ATRNL1: variants seen among roughly 807,000 people sequenced by gnomAD.
ATRNL1 encodes the protein attractin-like protein 1.
A neutral mutation model predicts 182.7 loss-of-function variants in ATRNL1; 95 were observed. The observed-to-expected ratio is 0.52, with a 90% CI of 0.44 to 0.62. The LOEUF (loss-of-function observed/expected upper bound fraction) is 0.62, where lower values mean the gene tolerates loss of function less well. Among genes scored for constraint, ATRNL1 ranks in the 20% least tolerant of loss-of-function variants. ATRNL1 has a pLI of 0.00. For missense variants in ATRNL1, 1,471 were observed against 1,679.5 expected, an observed-to-expected ratio of 0.88 and a Z score of 2.17; for synonymous variants, 576 against 568.3, an observed-to-expected ratio of 1.01 and a Z score of -0.19.
intron 26 of ATRNL1, among the ~76,000 whole-genome samples, chr10:115,603,804 G>GA (rs1339115137): frequency 1.3e-5 from 2 of 152,060 alleles, no homozygotes; most frequent in Non-Finnish European, 1.5e-5. Flanking sequence ...CCTTACTCCT[G>GA]AAAAAGTTTC....
intron 19 of ATRNL1, among the ~76,000 whole-genome samples, chr10:115,373,369 A>T (rs1440527215): frequency 6.6e-6 from 1 of 151,900 alleles, no homozygotes; most frequent in African/African-American, 2.4e-5. Flanking sequence ...CTCTTTTCTA[A>T]TTTTTGTGGC....
chr10:115,760,640 G>A (rs1948711744), intron 27 of ATRNL1, among the ~76,000 whole-genome samples: 3 of 152,044 alleles, frequency 2.0e-5, no homozygotes, highest in South Asian at 4.1e-4. Context: ...ACACACACAC[G>A]TATATAAAAA....
chr10:115,133,757 C>T (rs529754584), intron 5 of ATRNL1, among the ~76,000 whole-genome samples: 71 of 152,272 alleles, frequency 4.7e-4, no homozygotes, highest in African/African-American at 1.4e-3. Flanking sequence ...CTTCTCAGCA[C>T]CACATTGCAC....
At chr10:115,312,269 C>T (rs782747906) in intron 17 of ATRNL1, among the ~76,000 whole-genome samples, 1 of 152,090 alleles carries the variant, frequency 6.6e-6, no homozygotes, top group African/African-American at 2.4e-5. Flanking sequence ...AGATTTAGAA[C>T]TCTTTTTAGC....
At chr10:115,933,246 T>C (rs1953458412) in intron 28 of ATRNL1, among the ~76,000 whole-genome samples, 1 of 152,244 alleles carries the variant, frequency 6.6e-6, no homozygotes, top group Non-Finnish European at 1.5e-5. Flanking sequence ...TCTTTACTCT[T>C]GTAATGTGAA....
At position 115,797,519 on chromosome 10, in the gene ATRNL1, T is replaced by C. The variant is rs539325801; in HGVS notation, c.3904-50358T>C. On this transcript the variant is annotated intron_variant, in intron 27 of 28. Coordinates refer to ENST00000355044, the MANE Select transcript of ATRNL1 (RefSeq NM_207303.4). ...AGGCTTCTTCTGCCAATTTTTGGACTGACACTGGGGATATTAGAATGAACA... is the reference window on the plus strand; with the variant it reads ...AGGCTTCTTCTGCCAATTTTTGGACCGACACTGGGGATATTAGAATGAACA... Among the ~76,000 whole-genome samples the C allele has an allele frequency of 3.3e-5, 5 of 152,154 alleles. No homozygotes were observed. In the South Asian group the frequency reaches 1.0e-3, roughly 32 times the overall value.
intron 15 of ATRNL1, among the ~76,000 whole-genome samples, chr10:115,288,630 T>C (rs567956368): frequency 6.6e-6 from 1 of 152,184 alleles, no homozygotes; most frequent in Admixed American, 6.5e-5. Flanking sequence ...CAAGCAATTC[T>C]TCCGCCTCAG....
chr10:115,664,847 C>A (rs1033991768), intron 26 of ATRNL1, among the ~76,000 whole-genome samples: 1 of 152,010 alleles, frequency 6.6e-6, no homozygotes, highest in Admixed American at 6.6e-5. Context: ...TTTTATCCAG[C>A]GGTGAAAATC....
chr10:115,250,182 A>T (rs1482415218), intron 10 of ATRNL1, among the ~76,000 whole-genome samples: 1 of 152,134 alleles, frequency 6.6e-6, no homozygotes, highest in Non-Finnish European at 1.5e-5. Context: ...CATGGGTACC[A>T]CTTCCATTTT....
chr10:115,607,321 A>C lies in ATRNL1; in HGVS notation c.3795+57785A>C, dbSNP rs545006993. Among the ~76,000 whole-genome samples, 15 of 151,996 alleles carry C rather than the reference A, an allele frequency of 9.9e-5. No homozygotes were observed. In the South Asian group the frequency reaches 3.1e-3, roughly 31 times the overall value. On this transcript the variant is annotated intron_variant, in intron 26 of 28. Coordinates refer to ENST00000355044, the MANE Select transcript of ATRNL1 (RefSeq NM_207303.4). ...TTGCTACCTATGAAAATATAACTTGAGATAGACTCTAGAATTCTCTGATCT... is the reference window on the plus strand; with the variant it reads ...TTGCTACCTATGAAAATATAACTTGCGATAGACTCTAGAATTCTCTGATCT...
chr10:115,533,559 G>A (rs1191144728), intron 25 of ATRNL1, among the ~76,000 whole-genome samples: 1 of 151,978 alleles, frequency 6.6e-6, no homozygotes, highest in Non-Finnish European at 1.5e-5. Flanking sequence ...ACCAGCTCCT[G>A]GATTCATTAA....
chr10:115,736,877 C>T (rs1156617866), intron 27 of ATRNL1, among the ~76,000 whole-genome samples: 1 of 152,108 alleles, frequency 6.6e-6, no homozygotes, highest in African/African-American at 2.4e-5. Context: ...AGGTGATTCT[C>T]CTGCCTCAGC....
chr10:115,512,082 T>C (rs1189756994), intron 24 of ATRNL1, among the ~76,000 whole-genome samples: 1 of 151,940 alleles, frequency 6.6e-6, no homozygotes, highest in Non-Finnish European at 1.5e-5. Context: ...TGTAAACATG[T>C]CATATTTTTC....
chr10:115,519,311 G>C lies in ATRNL1; in HGVS notation c.3703G>C (p.Val1235Leu), dbSNP rs1554984648. 6.2e-7 allele frequency: 1 copy of C among 1,609,760 alleles called. No individual in the cohort carries two copies. The highest frequency in any genetic ancestry group is 8.5e-7 in the Non-Finnish European group (1 of 1,178,196). The change falls in exon 25 of 29, where the codon GTC becomes CTC. Residue 1235 changes from valine (V) to leucine (L), a missense_variant. Val to Leu is a conservative substitution (Grantham distance 32, BLOSUM62 1). Around this residue, in one of 3 missense-constraint regions of ATRNL1, gnomAD observed 437 missense variants for 506.0 expected, o/e 0.86. Coordinates refer to ENST00000355044, the MANE Select transcript of ATRNL1 (RefSeq NM_207303.4). Reference sequence around the variant, plus strand: ...AATCATGGACCTTGTGCAGTTTTTTGTCACCTTCTTCAGGTAAAAGTTTGC... The same window carrying C: ...AATCATGGACCTTGTGCAGTTTTTTCTCACCTTCTTCAGGTAAAAGTTTGC... ...NTIMDLVQFF[V>L]TFFSCFLSLL...
At chr10:115,322,510 T>C (rs1564912869) in intron 18 of ATRNL1, among the ~76,000 whole-genome samples, 1 of 152,028 alleles carries the variant, frequency 6.6e-6, no homozygotes, top group Non-Finnish European at 1.5e-5. Context: ...TTAAAAATAA[T>C]TCCTTAAAAA....
At position 115,713,705 on chromosome 10, in the gene ATRNL1, C is replaced by CTATCTATCATCTATCTATCT. The variant is rs1555055340; in HGVS notation, c.3796-13543_3796-13542insTATCTATCATCTATCTATCT. 1.9e-3 allele frequency among the ~76,000 whole-genome samples: 197 copies of CTATCTATCATCTATCTATCT among 101,246 alleles called. 1 individual carries two copies. Among genetic ancestry groups the CTATCTATCATCTATCTATCT allele is most frequent in the East Asian group, 4.1e-3 (9 of 2,188 alleles). The allele number at this position is 101,246 out of a possible 152,430, so 66.4% of individuals were successfully genotyped here. The stretch of plus-strand genomic sequence containing the variant: ...TCTATCTATCTATCTATCTATCTAT[C>CTATCTATCATCTATCTATCT]ATCTATCTATCTATCTATCTATCTA... On this transcript the variant is annotated intron_variant, in intron 26 of 28. Coordinates refer to ENST00000355044, the MANE Select transcript of ATRNL1 (RefSeq NM_207303.4).
At chr10:115,818,830 C>T (rs1555089375) in intron 27 of ATRNL1, among the ~76,000 whole-genome samples, 2 of 152,050 alleles carry the variant, frequency 1.3e-5, no homozygotes, top group African/African-American at 2.4e-5. Flanking sequence ...TTGAGTCCTA[C>T]GCTTGTCCCA....
intron 27 of ATRNL1, among the ~76,000 whole-genome samples, chr10:115,844,194 C>T (rs1018972891): frequency 1.3e-5 from 2 of 152,072 alleles, no homozygotes; most frequent in South Asian, 2.1e-4. Context: ...CTACTAAACC[C>T]CACTTAAATT....
chr10:115,601,577 G>T (rs1204240287), intron 26 of ATRNL1, among the ~76,000 whole-genome samples: 1 of 152,074 alleles, frequency 6.6e-6, no homozygotes, highest in Non-Finnish European at 1.5e-5. Flanking sequence ...GCAGTTTTAG[G>T]ATTGGTATGA....
Sources: allele counts gnomAD v4.1 joint callset (sites outside exome capture counted in the v4.1 genomes callset), GRCh38; gene constraint gnomAD v4.1.1; regional missense constraint gnomAD v4.1.1; transcripts MANE v1.5; gene names NCBI Gene and HGNC (gene_info 2026-07-23, HGNC 2026-07-21).